Variants in EXOC2 observed in about 807,000 individuals in gnomAD.
EXOC2 encodes the protein exocyst complex component 2.
In EXOC2, 70 loss-of-function variants were observed where a neutral mutation model predicts 131.8. The ratio of observed to expected loss-of-function variants is 0.53; its 90% CI spans 0.44 to 0.65. The LOEUF (loss-of-function observed/expected upper bound fraction) is 0.65. EXOC2 is among the 30% of genes least tolerant of loss of function. The probability of loss-of-function intolerance (pLI) is 0.00; values close to 1 mark genes in which losing one functional copy is unlikely to be tolerated. For synonymous variants in EXOC2, 411 were observed against 398.4 expected (o/e 1.03, Z -0.38); for missense variants, 923 against 1,108.6 (o/e 0.83, Z 2.38).
At chr6:589,972 A>G (rs1759444646) in intron 11 of EXOC2, among the ~76,000 whole-genome samples, 1 of 152,212 alleles carries the variant, frequency 6.6e-6, no homozygotes, top group African/African-American at 2.4e-5. Flanking sequence ...AAAATTAGCT[A>G]GGCGTGGTAG....
At chr6:583,608 G>A (rs972292182) in intron 11 of EXOC2, among the ~76,000 whole-genome samples, 1 of 152,158 alleles carries the variant, frequency 6.6e-6, no homozygotes, top group African/African-American at 2.4e-5. Flanking sequence ...AAATTCTCAA[G>A]TCCCAGGTTA....
intron 11 of EXOC2, among the ~76,000 whole-genome samples, chr6:580,733 A>G (rs1265847275): frequency 6.6e-6 from 1 of 152,170 alleles, no homozygotes; most frequent in African/African-American, 2.4e-5. Flanking sequence ...TGTAAAGATT[A>G]GGGCTTTATA....
intron 10 of EXOC2, among the ~76,000 whole-genome samples, chr6:594,046 C>A (rs901079963): frequency 6.6e-6 from 1 of 152,230 alleles, no homozygotes; most frequent in African/African-American, 2.4e-5. Context: ...TCTCCTCCCC[C>A]TTGTGACCAC....
chr6:651,021 G>A (rs142136888), intron 1 of EXOC2, among the ~76,000 whole-genome samples: 1 of 127,832 alleles, frequency 7.8e-6, no homozygotes, highest in East Asian at 2.4e-4. Context: ...CTGTAGTAAG[G>A]CATGTGTTCT....
chr6:655,391 A>T (rs1406081881), intron 1 of EXOC2, among the ~76,000 whole-genome samples: 1 of 152,260 alleles, frequency 6.6e-6, no homozygotes, highest in Non-Finnish European at 1.5e-5. Flanking sequence ...ATGCAAACAT[A>T]ACTTTTATAT....
chr6:495,291 A>G (rs916296911), intron 25 of EXOC2, among the ~76,000 whole-genome samples: 2 of 149,268 alleles, frequency 1.3e-5, no homozygotes, highest in African/African-American at 5.0e-5. Flanking sequence ...GCGCCCGGCT[A>G]ATTTTTTGTA....
intron 1 of EXOC2, among the ~76,000 whole-genome samples, chr6:639,795 AGGG>A (rs763698148): frequency 6.6e-6 from 1 of 152,130 alleles, no homozygotes; most frequent in South Asian, 2.1e-4. Context: ...TGCCCTCTAA[AGGG>A]TCGCTGGAGA....
intron 11 of EXOC2, among the ~76,000 whole-genome samples, chr6:585,397 T>C (rs963454821): frequency 2.0e-5 from 3 of 152,196 alleles, no homozygotes; most frequent in Non-Finnish European, 4.4e-5. Flanking sequence ...CCTCGTGTTA[T>C]ACTCCGAAGG....
intron 1 of EXOC2, among the ~76,000 whole-genome samples, chr6:647,893 CAA>C (rs113660563): frequency 1.8e-4 from 28 of 151,940 alleles, no homozygotes; most frequent in African/African-American, 6.3e-4. Flanking sequence ...AGCCATGAAT[CAA>C]AAAGTCTGAT....
chr6:525,950 T>A (rs1224253557), intron 23 of EXOC2, among the ~76,000 whole-genome samples: 2 of 152,200 alleles, frequency 1.3e-5, no homozygotes, highest in East Asian at 3.8e-4. Flanking sequence ...TGTTTAGATA[T>A]ATAACAAATT....
intron 1 of EXOC2, among the ~76,000 whole-genome samples, chr6:683,432 C>G (rs1288986294): frequency 6.6e-6 from 1 of 152,194 alleles, no homozygotes; most frequent in African/African-American, 2.4e-5. Context: ...ATTTATACTA[C>G]TACATAAAAA....
At chr6:575,534 C>G (rs1418148702) in intron 12 of EXOC2, among the ~76,000 whole-genome samples, 1 of 152,066 alleles carries the variant, frequency 6.6e-6, no homozygotes, top group Non-Finnish European at 1.5e-5. Context: ...CGCTCCATCT[C>G]CTGCCATGCG....
At chr6:634,788 AATT>A (rs1187161168) in intron 2 of EXOC2, among the ~76,000 whole-genome samples, 2 of 152,076 alleles carry the variant, frequency 1.3e-5, no homozygotes, top group African/African-American at 2.4e-5. Context: ...CATTATTCAA[AATT>A]ATTTTTTTCA....
At chr6:493,024 AATG>A (rs1763526173) in intron 25 of EXOC2, among the ~76,000 whole-genome samples, 1 of 152,262 alleles carries the variant, frequency 6.6e-6, no homozygotes, top group African/African-American at 2.4e-5. Context: ...ACCCACTGAC[AATG>A]ATAACTTGAT....
rs760499397 is a variant in EXOC2, at chr6:564,511, G to C, written c.1667+34C>G. Reference sequence around the variant, plus strand: ...TTCCAAAAAGTTAAAAAAAACAGAAGTACGCCTTTCTCTGAGAATGTGTCC... The same window carrying C: ...TTCCAAAAAGTTAAAAAAAACAGAACTACGCCTTTCTCTGAGAATGTGTCC... On this transcript the variant is annotated intron_variant, in intron 15 of 27. Coordinates refer to ENST00000230449, the MANE Select transcript of EXOC2 (RefSeq NM_018303.6). The C allele has an allele frequency of 2.0e-5, 32 of 1,611,696 alleles. No homozygotes were observed. The Admixed American group carries it at 5.4e-4, about 27-fold the overall frequency.
intron 22 of EXOC2, among the ~76,000 whole-genome samples, chr6:546,315 C>G (rs1254434480): frequency 2.0e-5 from 3 of 152,176 alleles, no homozygotes; most frequent in African/African-American, 7.2e-5. Context: ...CTTCTGGATT[C>G]AGACAGCACC....
intron 21 of EXOC2, among the ~76,000 whole-genome samples, chr6:553,415 G>GTGTA (rs755098896): frequency 1.3e-5 from 2 of 149,878 alleles, no homozygotes; most frequent in African/African-American, 2.5e-5. Flanking sequence ...GTGTGTGTGT[G>GTGTA]TATCTATTTG....
chr6:568,472 C>G (rs1056858071), intron 13 of EXOC2, among the ~76,000 whole-genome samples: 1 of 152,340 alleles, frequency 6.6e-6, no homozygotes, highest in South Asian at 2.1e-4. Context: ...TCCTGCAGAC[C>G]CTTGCGGCTT....
intron 1 of EXOC2, chr6:656,623 G>A: frequency 5.6e-6 from 9 of 1,603,896 alleles, no homozygotes; most frequent in African/African-American, 1.3e-5. Flanking sequence ...GAGGGGCGGC[G>A]CTTGTGGGTC....
Sources: allele counts gnomAD v4.1 joint callset (sites outside exome capture counted in the v4.1 genomes callset), GRCh38; gene constraint gnomAD v4.1.1; transcripts MANE v1.5; gene names NCBI Gene and HGNC (gene_info 2026-07-23, HGNC 2026-07-21).